Variants in CCNY observed in about 807,000 individuals in gnomAD.
CCNY encodes cyclin-Y.
In CCNY, 19 loss-of-function variants were observed where a neutral mutation model predicts 42.8. That is an observed-to-expected ratio of 0.44 (90% CI 0.31 to 0.65). The LOEUF is 0.65. CCNY is among the 30% of genes least tolerant of loss of function. The probability of loss-of-function intolerance (pLI) is 0.07; values close to 1 mark genes in which losing one functional copy is unlikely to be tolerated. For synonymous variants in CCNY, 165 were observed against 162.7 expected (o/e 1.01, Z -0.11); for missense variants, 370 against 437.3 (o/e 0.85, Z 1.37).
chr10:35,479,984 G>C (rs116589544), intron 1 of CCNY, among the ~76,000 whole-genome samples: 135 of 151,806 alleles, frequency 8.9e-4, no homozygotes, highest in African/African-American at 3.0e-3. Flanking sequence ...TGAGAATGGT[G>C]GCTTTTCCCC....
chr10:35,484,021 G>C (rs1839732195), intron 2 of CCNY, among the ~76,000 whole-genome samples: 2 of 152,212 alleles, frequency 1.3e-5, no homozygotes, highest in African/African-American at 4.8e-5. Context: ...CATCCCAGGT[G>C]TGTGTGGGAT....
chr10:35,397,945 CTGGTGATG>C (rs984951490), intron 1 of CCNY, among the ~76,000 whole-genome samples: 33 of 152,296 alleles, frequency 2.2e-4, no homozygotes, highest in African/African-American at 7.2e-4. Flanking sequence ...ACTTCCCCCT[CTGGTGATG>C]TGCTTGCTTC....
intron 5 of CCNY, among the ~76,000 whole-genome samples, chr10:35,526,798 G>A (rs528618177): frequency 2.0e-5 from 3 of 151,814 alleles, no homozygotes; most frequent in South Asian, 2.1e-4. Context: ...TCCTTTTATC[G>A]GATCTTTCCA....
At chr10:35,330,995 G>C (rs978729037) in intron 3 of CCNY, among the ~76,000 whole-genome samples, 2 of 152,184 alleles carry the variant, frequency 1.3e-5, no homozygotes, top group African/African-American at 4.8e-5. Flanking sequence ...CTCGACCTCA[G>C]GTGATCCACT....
At chr10:35,267,527 C>G (rs2095726812) in intron 3 of CCNY, among the ~76,000 whole-genome samples, 1 of 152,132 alleles carries the variant, frequency 6.6e-6, no homozygotes. Context: ...AGCTGACAGT[C>G]CAACATGTCC....
Position 35,569,210 on chromosome 10 carries a change from C to G in CCNY, c.*40C>G, listed in dbSNP as rs761485485. ...CGGAGGCCACACCATCCCTTAGTTT[C>G]TCCTTTAGTTTGAGAAAAGACAGAC... On this transcript the variant is annotated 3_prime_UTR_variant, in exon 10 of 10. Coordinates refer to ENST00000374704, the MANE Select transcript of CCNY (RefSeq NM_145012.6). 1 of 1,212,078 alleles carries G rather than the reference C, an allele frequency of 8.3e-7. No homozygotes were observed. Among genetic ancestry groups the G allele is most frequent in the South Asian group, 1.2e-5 (1 of 83,198 alleles). The allele number at this position is 1,212,078 out of a possible 1,614,324, so 75.1% of individuals were successfully genotyped here.
chr10:35,315,409 C>T (rs1835743581), intron 3 of CCNY: 1 of 152,196 alleles, frequency 6.6e-6, no homozygotes, highest in African/African-American at 2.4e-5. Context: ...TGATGGCCTC[C>T]AGCTCCATTC....
chr10:35,410,897 T>C (rs3003975), intron 1 of CCNY, among the ~76,000 whole-genome samples: 12,424 of 152,218 alleles, frequency 0.082, 933 homozygotes, highest in African/African-American at 0.2. Context: ...CTACTGCTAG[T>C]ATACTTGGTG....
At chr10:35,256,559 C>A (rs538647827) in intron 3 of CCNY, among the ~76,000 whole-genome samples, 1 of 151,982 alleles carries the variant, frequency 6.6e-6, no homozygotes, top group East Asian at 1.9e-4. Flanking sequence ...TGGTGAAACC[C>A]CATCTCTACT....
rs116537341 is a variant in CCNY at position 35,507,640 on chromosome 10, G to A, written c.264+6105G>A. Among the ~76,000 whole-genome samples, 1,078 of 152,182 alleles carry A rather than the reference G, an allele frequency of 7.1e-3. 11 individuals are homozygous for A. The highest frequency in any genetic ancestry group is 0.025 in the African/African-American group (1,025 of 41,500). On this transcript the variant is annotated intron_variant, in intron 3 of 9. Coordinates refer to ENST00000374704, the MANE Select transcript of CCNY (RefSeq NM_145012.6). ...AATGTTAAGTGGCTCCGTAATGTCC[G>A]CTACAGCGTGTTTTTCTGTGGTATG...
At position 35,530,880 on chromosome 10, in the gene CCNY, T is replaced by C. The variant is rs1215912676; in HGVS notation, c.579+637T>C. Among the ~76,000 whole-genome samples the C allele has an allele frequency of 6.6e-6, 1 of 152,140 alleles. No homozygotes were observed. Among genetic ancestry groups the C allele is most frequent in the Non-Finnish European group, 1.5e-5 (1 of 68,020 alleles). ...TGAGCCCAGGAGTTTGAGACCAGTC[T>C]GGACAACATAGTGAAACCCCGACTC... On this transcript the variant is annotated intron_variant, in intron 7 of 9. Transcript: ENST00000374704. This position sits in a 1 kb window ranked among gnomAD's most constrained non-coding sequence, Gnocchi z 4.3.
chr10:35,533,164 C>T (rs1250795492), intron 7 of CCNY, among the ~76,000 whole-genome samples: 2 of 152,180 alleles, frequency 1.3e-5, no homozygotes, highest in Non-Finnish European at 2.9e-5. Flanking sequence ...TAAGGCCGCA[C>T]ACCCTCTAAC....
At chr10:35,297,721 G>A (rs1288251088) in intron 3 of CCNY, among the ~76,000 whole-genome samples, 1 of 152,020 alleles carries the variant, frequency 6.6e-6, no homozygotes, top group Non-Finnish European at 1.5e-5. Context: ...GCCAAATCAG[G>A]AATGCAATCC....
At chr10:35,561,146 G>GGTGCGTGC (rs1841458026) in intron 8 of CCNY, among the ~76,000 whole-genome samples, 1 of 152,158 alleles carries the variant, frequency 6.6e-6, no homozygotes, top group African/African-American at 2.4e-5. Flanking sequence ...GAATGAGGGA[G>GGTGCGTGC]GTGCGTGCCA....
chr10:35,278,824 G>T (rs1370001727), intron 3 of CCNY, among the ~76,000 whole-genome samples: 5 of 152,190 alleles, frequency 3.3e-5, no homozygotes, highest in South Asian at 4.1e-4. Context: ...GGAGCCAGGG[G>T]CTGGGTGCAC....
chr10:35,439,707 ATT>A (rs111706337), intron 1 of CCNY, among the ~76,000 whole-genome samples: 2 of 141,372 alleles, frequency 1.4e-5, no homozygotes, highest in Non-Finnish European at 1.6e-5. Flanking sequence ...AGGATGAGTG[ATT>A]TTTTTTTTTT....
chr10:35,520,161 C>T (rs977777431), intron 4 of CCNY, among the ~76,000 whole-genome samples: 10 of 152,292 alleles, frequency 6.6e-5, no homozygotes, highest in African/African-American at 2.4e-4. Context: ...ATACCAGCAT[C>T]TCACACTTGG....
At chr10:35,545,138 G>A (rs977277203) in intron 7 of CCNY, among the ~76,000 whole-genome samples, 5 of 152,194 alleles carry the variant, frequency 3.3e-5, no homozygotes, top group Non-Finnish European at 5.9e-5. Context: ...ATTTTTGAAC[G>A]TTCCCTGTTG....
intron 1 of CCNY, among the ~76,000 whole-genome samples, chr10:35,342,128 G>A (rs1025222608): frequency 2.0e-5 from 3 of 152,190 alleles, no homozygotes; most frequent in South Asian, 2.1e-4. Context: ...CCCAAGCAGC[G>A]GAGGGATAAC....
Sources: allele counts gnomAD v4.1 joint callset (sites outside exome capture counted in the v4.1 genomes callset), GRCh38; gene constraint gnomAD v4.1.1; non-coding constraint Gnocchi (gnomAD v3.1); transcripts MANE v1.5; gene names NCBI Gene and HGNC (gene_info 2026-07-23, HGNC 2026-07-21).